ASCC3: variants seen among roughly 807,000 people sequenced by gnomAD.
ASCC3 encodes the protein activating signal cointegrator 1 complex subunit 3.
ASCC3 carries 158 observed loss-of-function variants against 256.3 expected under a neutral mutation model. That is an observed-to-expected ratio of 0.62 (90% CI 0.54 to 0.70). The LOEUF is 0.70. Ranked by LOEUF, ASCC3 falls within the 30% of genes least tolerant of loss-of-function variation. The pLI, the probability that ASCC3 is intolerant of heterozygous loss-of-function variation, is 0.00. For missense variants in ASCC3, 2,259 were observed against 2,626.0 expected, an observed-to-expected ratio of 0.86 and a Z score of 3.05; for synonymous variants, 948 against 883.4, an observed-to-expected ratio of 1.07 and a Z score of -1.30.
intron 30 of ASCC3, among the ~76,000 whole-genome samples, chr6:100,619,992 GA>G (rs1310487946): frequency 3.3e-5 from 5 of 152,134 alleles, no homozygotes; most frequent in East Asian, 3.9e-4. Flanking sequence ...TGCATTGCTA[GA>G]AAAAAAATTT....
At chr6:100,875,603 T>C (rs984564130) in intron 1 of ASCC3, among the ~76,000 whole-genome samples, 1 of 152,140 alleles carries the variant, frequency 6.6e-6, no homozygotes, top group African/African-American at 2.4e-5. Flanking sequence ...TGCCCATTCA[T>C]GCACTCCACC....
At chr6:100,874,464 CAAAAAAAAA>C (rs530326162) in intron 1 of ASCC3, among the ~76,000 whole-genome samples, 22 of 77,634 alleles carry the variant, frequency 2.8e-4, no homozygotes, top group African/African-American at 1.1e-3. Context: ...GACTCTGTCT[CAAAAAAAAA>C]AAAAAAAAAA....
intron 1 of ASCC3, among the ~76,000 whole-genome samples, chr6:100,869,581 G>A (rs1773637141): frequency 6.6e-6 from 1 of 152,062 alleles, no homozygotes. Context: ...AAAAATAAAA[G>A]TGATAACCTG....
intron 4 of ASCC3, among the ~76,000 whole-genome samples, chr6:100,810,346 T>A (rs1770401396): frequency 6.6e-6 from 1 of 152,196 alleles, no homozygotes; most frequent in South Asian, 2.1e-4. Flanking sequence ...ATCTTTACTA[T>A]GTTTTATGGC....
intron 5 of ASCC3, among the ~76,000 whole-genome samples, chr6:100,802,533 G>C (rs1463351398): frequency 2.0e-5 from 3 of 151,942 alleles, no homozygotes; most frequent in African/African-American, 7.3e-5. Context: ...TTTCTTTATA[G>C]CAATGTGAGA....
chr6:100,693,462 T>C (rs1777931753), intron 13 of ASCC3, among the ~76,000 whole-genome samples: 1 of 152,168 alleles, frequency 6.6e-6, no homozygotes, highest in African/African-American at 2.4e-5. Flanking sequence ...TTATTATATA[T>C]GCAAATACTT....
At chr6:100,627,364 T>C (rs1401745244) in intron 29 of ASCC3, among the ~76,000 whole-genome samples, 1 of 152,184 alleles carries the variant, frequency 6.6e-6, no homozygotes, top group Non-Finnish European at 1.5e-5. Context: ...TTTAATTACA[T>C]ACTTTTATTC....
intron 10 of ASCC3, among the ~76,000 whole-genome samples, chr6:100,739,289 C>A (rs12196997): frequency 0.13 from 19,290 of 152,178 alleles, 1,542 homozygotes; most frequent in Non-Finnish European, 0.18. Context: ...TGATATGAAG[C>A]CAGCTTGATC....
chr6:100,875,901 G>A (rs1278369613), intron 1 of ASCC3, among the ~76,000 whole-genome samples: 2 of 152,146 alleles, frequency 1.3e-5, no homozygotes, highest in Non-Finnish European at 2.9e-5. Context: ...ATGGGTACAT[G>A]CTATTCTTTC....
In ASCC3 at chr6:100,805,821, T is replaced by C; in HGVS notation, c.861A>G (p.Arg287=). The C allele has an allele frequency of 6.2e-7, 1 of 1,611,502 alleles. No individual in the cohort carries two copies. Among genetic ancestry groups the C allele is most frequent in the Non-Finnish European group, 8.5e-7 (1 of 1,178,654 alleles). The change falls in exon 5 of 42, where the codon AGA becomes AGG. Residue 287 remains arginine, a synonymous_variant. Transcript: ENST00000369162. ...LELIEKLLQN[R]ITIVDRFLNS... Reference sequence around the variant, plus strand: ...TAAGAAATCTATCCACAATTGTAATTCTGTTCTGGAGGAGTTTCTCAATAA... The same window carrying C: ...TAAGAAATCTATCCACAATTGTAATCCTGTTCTGGAGGAGTTTCTCAATAA...
At chr6:100,780,945 C>T (rs1046060680) in intron 8 of ASCC3, among the ~76,000 whole-genome samples, 12 of 152,190 alleles carry the variant, frequency 7.9e-5, no homozygotes, top group African/African-American at 2.7e-4. Context: ...AATGAAATCA[C>T]TTGTATTCCC....
At chr6:100,690,991 G>GT (rs1777819648) in intron 13 of ASCC3, among the ~76,000 whole-genome samples, 1 of 152,094 alleles carries the variant, frequency 6.6e-6, no homozygotes, top group Admixed American at 6.6e-5. Context: ...CAGCTTGTAT[G>GT]TTTGAGTTGA....
At chr6:100,809,833 T>C (rs996017438) in intron 4 of ASCC3, among the ~76,000 whole-genome samples, 5 of 152,194 alleles carry the variant, frequency 3.3e-5, no homozygotes, top group Admixed American at 3.3e-4. Flanking sequence ...ATGAGGCTAC[T>C]CTGAACAAAA....
chr6:100,568,367 T>C (rs1770379864), intron 36 of ASCC3, among the ~76,000 whole-genome samples: 1 of 146,564 alleles, frequency 6.8e-6, no homozygotes, highest in South Asian at 2.1e-4. Flanking sequence ...GACTCTTGTC[T>C]GAAAAAAAAA....
chr6:100,674,123 C>A (rs994903776), intron 14 of ASCC3, among the ~76,000 whole-genome samples: 1 of 151,900 alleles, frequency 6.6e-6, no homozygotes, highest in Non-Finnish European at 1.5e-5. Flanking sequence ...TGGAATAAGA[C>A]CCTTGGCTTG....
chr6:100,565,715 C>G (rs1770206576), intron 36 of ASCC3, among the ~76,000 whole-genome samples: 3 of 151,948 alleles, frequency 2.0e-5, no homozygotes, highest in African/African-American at 7.2e-5. Context: ...GCAGAGCAAC[C>G]AAAAAGAGAG....
intron 5 of ASCC3, among the ~76,000 whole-genome samples, chr6:100,804,860 T>C (rs1770091312): frequency 6.6e-6 from 1 of 152,112 alleles, no homozygotes; most frequent in Non-Finnish European, 1.5e-5. Flanking sequence ...TCAAAGAGCT[T>C]AAGACAGAGT....
chr6:100,516,301 G>A lies in ASCC3; in HGVS notation c.5954C>T (p.Pro1985Leu), dbSNP rs573779798. ...GATGGAGGTCCGACCCCTAGCATGT[G>A]GGCCCTTCATAATCGGCTTCCATTT... ...FKKWKPIMKG[P>L]HARGRTSIES... is the part of the protein sequence containing the mutation. Residue 1985 changes from proline (P) to leucine (L), a missense_variant, in exon 39 of 42, where the codon CCA becomes CTA. Around this residue, in one of 2 missense-constraint regions of ASCC3, gnomAD observed 1,839 missense variants for 2,206.7 expected, o/e 0.83. Coordinates refer to ENST00000369162, the MANE Select transcript of ASCC3 (RefSeq NM_006828.4). 6.2e-7 allele frequency: 1 copy of A among 1,613,630 alleles called. No homozygotes were observed. Among genetic ancestry groups the A allele is most frequent in the South Asian group, 1.1e-5 (1 of 91,052 alleles).
chr6:100,799,284 C>A, intron 7 of ASCC3, 147 bp downstream of exon 7: 1 of 855,582 alleles, frequency 1.2e-6, no homozygotes, highest in Non-Finnish European at 1.8e-6. Flanking sequence ...TTTACATACA[C>A]CACATTATGT....
Sources: allele counts gnomAD v4.1 joint callset (sites outside exome capture counted in the v4.1 genomes callset), GRCh38; gene constraint gnomAD v4.1.1; regional missense constraint gnomAD v4.1.1; transcripts MANE v1.5; gene names NCBI Gene and HGNC (gene_info 2026-07-23, HGNC 2026-07-21).